The following CPPED1 variants were observed in gnomAD, a reference collection of about 807,000 sequenced individuals.
CPPED1 encodes the protein calcineurin like phosphoesterase domain containing 1.
In CPPED1, 28 loss-of-function variants were observed where a neutral mutation model predicts 28.0. That is an observed-to-expected ratio of 1.00 (90% CI 0.74 to 1.37). CPPED1 has a LOEUF of 1.37. CPPED1 is among the 40% of genes most tolerant of loss of function. The probability of loss-of-function intolerance (pLI) is 0.00; values close to 1 mark genes in which losing one functional copy is unlikely to be tolerated. For synonymous variants in CPPED1, 198 were observed against 180.2 expected (o/e 1.10, Z -0.79); for missense variants, 504 against 416.5 (o/e 1.21, Z -1.83).
intron 2 of CPPED1, among the ~76,000 whole-genome samples, chr16:12,736,677 C>A (rs1344188847): frequency 6.6e-6 from 1 of 152,142 alleles, no homozygotes; most frequent in Non-Finnish European, 1.5e-5. Flanking sequence ...TTTGCTTAAC[C>A]ATTATTTACA....
intron 3 of CPPED1, among the ~76,000 whole-genome samples, chr16:12,667,188 C>T (rs937893444): frequency 2.0e-5 from 3 of 152,020 alleles, no homozygotes; most frequent in Non-Finnish European, 2.9e-5. Flanking sequence ...ATTCTGCTGC[C>T]CATGGAGAAA....
intron 3 of CPPED1, among the ~76,000 whole-genome samples, chr16:12,681,174 C>G (rs2079903041): frequency 6.6e-6 from 1 of 151,316 alleles, no homozygotes; most frequent in South Asian, 2.1e-4. Context: ...AATGTGCCCC[C>G]CAACGTTTAA....
At position 12,788,922 on chromosome 16, in the gene CPPED1, G is replaced by T. The variant is rs201183141; in HGVS notation, c.71-7519C>A. Among the ~76,000 whole-genome samples, 28 of 152,316 alleles carry T rather than the reference G, an allele frequency of 1.8e-4. 1 individual carries two copies. The East Asian group carries it at 4.8e-3, about 26-fold the overall frequency. ...AGGGTTGATTTGAGGCACAGGCGGG[G>T]ACCCAGACATCTGTCTCCTGTGAGT... On this transcript the variant is annotated intron_variant, in intron 1 of 3. Transcript: ENST00000381774.
At chr16:12,796,760 G>T (rs951775161) in intron 1 of CPPED1, among the ~76,000 whole-genome samples, 1 of 152,100 alleles carries the variant, frequency 6.6e-6, no homozygotes, top group Non-Finnish European at 1.5e-5. Context: ...ATACCCTTAA[G>T]AAGATGTGTC....
At chr16:12,776,412 T>C (rs1261821610) in intron 2 of CPPED1, among the ~76,000 whole-genome samples, 3 of 152,206 alleles carry the variant, frequency 2.0e-5, no homozygotes, top group African/African-American at 7.2e-5. Context: ...AATACTGATA[T>C]GGTTTTGCTG....
At chr16:12,767,578 A>C (rs997589421) in intron 2 of CPPED1, among the ~76,000 whole-genome samples, 1 of 151,938 alleles carries the variant, frequency 6.6e-6, no homozygotes, top group Non-Finnish European at 1.5e-5. Context: ...CTATGCAAAC[A>C]CACTGGACTT....
chr16:12,801,918 T>A (rs1425930982), intron 1 of CPPED1, among the ~76,000 whole-genome samples: 1 of 152,056 alleles, frequency 6.6e-6, no homozygotes, highest in African/African-American at 2.4e-5. Context: ...CTAGAGAGAA[T>A]GAGGAGAAAA....
chr16:12,761,740 A>G (rs2080410946), intron 2 of CPPED1, among the ~76,000 whole-genome samples: 1 of 152,212 alleles, frequency 6.6e-6, no homozygotes, highest in African/African-American at 2.4e-5. Flanking sequence ...AGCCAGGGAC[A>G]GTGGCTCATA....
chr16:12,663,799 C>A lies in CPPED1; in HGVS notation c.*1087G>T, dbSNP rs1312426627. Reference sequence around the variant, plus strand: ...TACCTAGGTTATTTGTCCACCAGAACAATGGCTGTAAAGGAGAAAATTGAG... The same window carrying A: ...TACCTAGGTTATTTGTCCACCAGAAAAATGGCTGTAAAGGAGAAAATTGAG... On this transcript the variant is annotated 3_prime_UTR_variant, in exon 4 of 4. Coordinates refer to ENST00000381774, the MANE Select transcript of CPPED1 (RefSeq NM_018340.3). 6.6e-6 allele frequency: 1 copy of A among 152,168 alleles called. No individual in the cohort carries two copies. Among genetic ancestry groups the A allele is most frequent in the Non-Finnish European group, 1.5e-5 (1 of 68,034 alleles). 9.4% of individuals were successfully genotyped at this position (152,168 alleles called of 1,614,324 possible).
At chr16:12,673,706 C>T (rs2079863988) in intron 3 of CPPED1, among the ~76,000 whole-genome samples, 1 of 152,106 alleles carries the variant, frequency 6.6e-6, no homozygotes, top group South Asian at 2.1e-4. Flanking sequence ...GAAAATGTGA[C>T]CAAACGAGGA....
At chr16:12,774,597 T>C (rs1417555146) in intron 2 of CPPED1, among the ~76,000 whole-genome samples, 2 of 152,224 alleles carry the variant, frequency 1.3e-5, no homozygotes, top group Non-Finnish European at 2.9e-5. Flanking sequence ...CTTCAAAAGC[T>C]CACCACACAT....
At chr16:12,768,351 A>G (rs931200861) in intron 2 of CPPED1, among the ~76,000 whole-genome samples, 8 of 152,210 alleles carry the variant, frequency 5.3e-5, no homozygotes, top group Middle Eastern at 3.2e-3. Flanking sequence ...CCCAGACGGA[A>G]AGATTATGCT....
At chr16:12,669,148 C>T (rs370828601) in intron 3 of CPPED1, among the ~76,000 whole-genome samples, 4 of 151,978 alleles carry the variant, frequency 2.6e-5, no homozygotes, top group South Asian at 4.2e-4. Context: ...TATTCAACCA[C>T]GAAAAGGAAT....
intron 2 of CPPED1, among the ~76,000 whole-genome samples, chr16:12,769,572 A>G (rs530580782): frequency 2.0e-5 from 3 of 152,316 alleles, no homozygotes; most frequent in Non-Finnish European, 4.4e-5. Context: ...AATTAGTCAT[A>G]TAAGGTAAAT....
At chr16:12,790,483 G>A (rs1026270629) in intron 1 of CPPED1, among the ~76,000 whole-genome samples, 9 of 152,152 alleles carry the variant, frequency 5.9e-5, no homozygotes, top group Middle Eastern at 3.4e-3. Context: ...AAAGGCCTGG[G>A]GGCCAGCCAC....
chr16:12,760,693 G>C (rs2080404235), intron 2 of CPPED1: 2 of 152,156 alleles, frequency 1.3e-5, no homozygotes, highest in African/African-American at 2.4e-5. Context: ...CCCTAGATCA[G>C]GGACTCTGGG....
At chr16:12,745,104 C>A (rs2080278647) in intron 2 of CPPED1, among the ~76,000 whole-genome samples, 1 of 152,186 alleles carries the variant, frequency 6.6e-6, no homozygotes, top group Non-Finnish European at 1.5e-5. Flanking sequence ...GTAACAAACA[C>A]TCTCGGAGTA....
chr16:12,681,058 C>G (rs1402993097), intron 3 of CPPED1, among the ~76,000 whole-genome samples: 1 of 152,020 alleles, frequency 6.6e-6, no homozygotes, highest in Admixed American at 6.5e-5. Context: ...TGACCTTTAC[C>G]TAAAGCCAGC....
chr16:12,670,237 G>T lies in CPPED1; in HGVS notation c.716-5122C>A, dbSNP rs574903896. On this transcript the variant is annotated intron_variant, in intron 3 of 3. Transcript: ENST00000381774. This position sits in a 1 kb window ranked among gnomAD's most constrained non-coding sequence, Gnocchi z 4.2. ...TTGAGCCTGGAAGTTTGAAGCTACA[G>T]TGAGCTATGACCGCACCATTGCATT... 6.6e-6 allele frequency among the ~76,000 whole-genome samples: 1 copy of T among 152,200 alleles called. No homozygotes were observed. Among genetic ancestry groups the T allele is most frequent in the Admixed American group, 6.5e-5 (1 of 15,280 alleles).
Sources: allele counts gnomAD v4.1 joint callset (sites outside exome capture counted in the v4.1 genomes callset), GRCh38; gene constraint gnomAD v4.1.1; non-coding constraint Gnocchi (gnomAD v3.1); transcripts MANE v1.5; gene names NCBI Gene and HGNC (gene_info 2026-07-23, HGNC 2026-07-21).